Variants in FLI1 observed in about 807,000 individuals in gnomAD.
FLI1 encodes Fli-1 proto-oncogene, ETS transcription factor.
A neutral mutation model predicts 53.1 loss-of-function variants in FLI1; 13 were observed. The observed-to-expected ratio is 0.24, with a 90% confidence interval of 0.16 to 0.39. The LOEUF is 0.39. FLI1 is among the 10% of genes least tolerant of loss of function. The pLI is 1.00. For missense variants in FLI1, 424 were observed against 600.5 expected (o/e 0.71, Z 3.07); for synonymous variants, 244 against 236.7 (o/e 1.03, Z -0.28).
intron 1 of FLI1, among the ~76,000 whole-genome samples, chr11:128,738,797 T>C (rs182638686): frequency 1.6e-4 from 24 of 152,328 alleles, no homozygotes; most frequent in African/African-American, 4.6e-4. Context: ...TGTGCAGCTC[T>C]GTGAAGACAT....
intron 1 of FLI1, among the ~76,000 whole-genome samples, chr11:128,705,993 T>C (rs1410269361): frequency 6.6e-6 from 1 of 152,100 alleles, no homozygotes; most frequent in East Asian, 1.9e-4. Flanking sequence ...TTCATCCTAG[T>C]TGTAGTTTGA....
Position 128,768,688 on chromosome 11 carries a change from C to CAA in FLI1, c.385+438_385+439dup, listed in dbSNP as rs34066469. Among the ~76,000 whole-genome samples the CAA allele has an allele frequency of 7.8e-3, 606 of 77,626 alleles. 11 individuals carry two copies. Among genetic ancestry groups the CAA allele is most frequent in the African/African-American group, 0.026 (491 of 19,202 alleles). 50.9% of individuals were successfully genotyped at this position (77,626 alleles called of 152,430 possible). A position where few individuals can be genotyped will look rare whatever the true frequency, so the allele number is the denominator to read the frequency against. On this transcript the variant is annotated intron_variant, in intron 3 of 8. Coordinates refer to ENST00000527786, the MANE Select transcript of FLI1 (RefSeq NM_002017.5). ...TGGGTGATGGAATGAGACTCTGTCT[C>CAA]AAAAAAAAAAAAAAAAAAAAAAAGC...
intron 1 of FLI1, among the ~76,000 whole-genome samples, chr11:128,742,031 C>T (rs1384311979): frequency 6.6e-6 from 1 of 152,070 alleles, no homozygotes; most frequent in Non-Finnish European, 1.5e-5. Flanking sequence ...ATCGTTCCTA[C>T]CATATTTAAT....
intron 2 of FLI1, among the ~76,000 whole-genome samples, chr11:128,760,927 C>T (rs542300069): frequency 2.6e-5 from 4 of 152,308 alleles, no homozygotes; most frequent in East Asian, 1.9e-4. Context: ...TAGGCTTCTG[C>T]GGGGGCATCC....
intron 5 of FLI1, among the ~76,000 whole-genome samples, chr11:128,790,498 G>T (rs2135884454): frequency 6.6e-6 from 1 of 152,200 alleles, no homozygotes; most frequent in East Asian, 1.9e-4. Context: ...AGCTTGTCTG[G>T]GACACTTTCT....
At chr11:128,689,330 T>C (rs1312089871), upstream of FLI1, among the ~76,000 whole-genome samples, 1 of 152,210 alleles carries the variant, frequency 6.6e-6, no homozygotes, top group Non-Finnish European at 1.5e-5. Flanking sequence ...GCAGAGCATA[T>C]ATCTGAAAGC....
rs953030959 is a variant in FLI1 at position 128,737,098 on chromosome 11, A to C, written c.19-21017A>C. Among the ~76,000 whole-genome samples the C allele has an allele frequency of 3.9e-5, 6 of 152,218 alleles. 1 individual carries two copies. The South Asian group carries it at 1.2e-3, about 32-fold the overall frequency. On this transcript the variant is annotated intron_variant, in intron 1 of 8. Coordinates refer to ENST00000527786, the MANE Select transcript of FLI1 (RefSeq NM_002017.5). ...CAGTATTCTGCAGTAGATCTAACTCAAGTGGATAGGGACTTCGGAAAGCCC... is the reference window on the plus strand; with the variant it reads ...CAGTATTCTGCAGTAGATCTAACTCCAGTGGATAGGGACTTCGGAAAGCCC...
rs11301220 is a variant in FLI1 at position 128,762,956 on chromosome 11, C to CA, written c.230+4644dup. On this transcript the variant is annotated intron_variant, in intron 2 of 8. Transcript: ENST00000527786. Reference sequence around the variant, plus strand: ...GGGCAACAAAAGTGAAACACCATCTCAAAAAAAAAAAAAATTATGTAGTTC... The same window carrying CA: ...GGGCAACAAAAGTGAAACACCATCTCAAAAAAAAAAAAAAATTATGTAGTTC... Among the ~76,000 whole-genome samples, 470 of 146,378 alleles carry CA rather than the reference C, an allele frequency of 3.2e-3. 2 individuals carry two copies. Among genetic ancestry groups the CA allele is most frequent in the African/African-American group, 9.8e-3 (389 of 39,762 alleles).
chr11:128,710,905 A>G (rs1938758874), intron 1 of FLI1, among the ~76,000 whole-genome samples: 1 of 152,232 alleles, frequency 6.6e-6, no homozygotes, highest in African/African-American at 2.4e-5. Context: ...CACAATTTTT[A>G]GGAGAAGAGA....
chr11:128,760,424 G>C (rs1376818794), intron 2 of FLI1, among the ~76,000 whole-genome samples: 1 of 151,774 alleles, frequency 6.6e-6, no homozygotes, highest in Non-Finnish European at 1.5e-5. Context: ...CGCCCACCTG[G>C]TGAGGAGGCC....
At chr11:128,694,576 G>T (rs1235951144) in intron 1 of FLI1, among the ~76,000 whole-genome samples, 1 of 414 alleles carries the variant, frequency 2.4e-3, no homozygotes, top group Admixed American at 0.018. Context: ...GAAACCGGGG[G>T]ACCCCAGGGT....
intron 1 of FLI1, among the ~76,000 whole-genome samples, chr11:128,715,428 A>G (rs918558171): frequency 1.3e-5 from 2 of 152,244 alleles, no homozygotes; most frequent in African/African-American, 4.8e-5. Context: ...CATTAAAAAT[A>G]GTGAAAGCCA....
At chr11:128,690,361 G>A (rs1937686942), upstream of FLI1, among the ~76,000 whole-genome samples, 1 of 152,134 alleles carries the variant, frequency 6.6e-6, no homozygotes, top group Admixed American at 6.5e-5. Context: ...ATTCTGCCAG[G>A]CCTGGCATCC....
At chr11:128,740,284 ATGT>A (rs1334039545) in intron 1 of FLI1, among the ~76,000 whole-genome samples, 5 of 152,370 alleles carry the variant, frequency 3.3e-5, no homozygotes, top group African/African-American at 4.8e-5. Flanking sequence ...GAAAGAGGAA[ATGT>A]TGTCACGACA....
intron 1 of FLI1, among the ~76,000 whole-genome samples, chr11:128,740,609 G>A (rs913169061): frequency 6.6e-6 from 1 of 152,234 alleles, no homozygotes; most frequent in Non-Finnish European, 1.5e-5. Context: ...AAGTAGGAGG[G>A]TTAGTCTGCT....
intron 2 of FLI1, among the ~76,000 whole-genome samples, chr11:128,760,077 G>C (rs909924995): frequency 1.7e-4 from 26 of 152,190 alleles, no homozygotes; most frequent in African/African-American, 4.8e-5. Context: ...GAGGTTCTGA[G>C]CCTGCAGCCC....
At chr11:128,796,066 G>C (rs1161652497) in intron 5 of FLI1, among the ~76,000 whole-genome samples, 1 of 152,064 alleles carries the variant, frequency 6.6e-6, no homozygotes, top group Non-Finnish European at 1.5e-5. Context: ...AACTGACAGA[G>C]ATGAGAGGCA....
At chr11:128,775,546 A>C (rs890647623) in intron 4 of FLI1, among the ~76,000 whole-genome samples, 1 of 152,218 alleles carries the variant, frequency 6.6e-6, no homozygotes, top group South Asian at 2.1e-4. Context: ...AAGCGCCTGC[A>C]GGAGGCCATG....
rs532941061 is a variant in FLI1 at position 128,776,575 on chromosome 11, C to A, written c.589+3590C>A. On this transcript the variant is annotated intron_variant, in intron 4 of 8. Coordinates refer to ENST00000527786, the MANE Select transcript of FLI1 (RefSeq NM_002017.5). Reference sequence around the variant, plus strand: ...CTGAGGCAGGAGAGTCGCTTGAATGCGGGAGGGGGAGGCTGCAGTGAGCTG... The same window carrying A: ...CTGAGGCAGGAGAGTCGCTTGAATGAGGGAGGGGGAGGCTGCAGTGAGCTG... Among the ~76,000 whole-genome samples, 3 of 152,230 alleles carry A rather than the reference C, an allele frequency of 2.0e-5. No individual in the cohort carries two copies. In the East Asian group the frequency reaches 5.8e-4, roughly 29 times the overall value.
Sources: allele counts gnomAD v4.1 joint callset (sites outside exome capture counted in the v4.1 genomes callset), GRCh38; gene constraint gnomAD v4.1.1; transcripts MANE v1.5; gene names NCBI Gene and HGNC (gene_info 2026-07-23, HGNC 2026-07-21).